Variants in NKAIN3 observed in about 807,000 individuals in gnomAD.
The protein encoded by NKAIN3 is sodium/potassium transporting ATPase interacting 3.
NKAIN3 carries 25 observed loss-of-function variants against 30.2 expected under a neutral mutation model. That is an observed-to-expected ratio of 0.83 (90% CI 0.60 to 1.16). The LOEUF (loss-of-function observed/expected upper bound fraction) is 1.16. Among genes scored for constraint, NKAIN3 ranks in the 50% most tolerant of loss-of-function variants. The pLI is 0.00. For synonymous variants in NKAIN3, 91 were observed against 89.6 expected, an observed-to-expected ratio of 1.02 and a Z score of -0.09; for missense variants, 225 against 254.1, an observed-to-expected ratio of 0.89 and a Z score of 0.78.
At chr8:62,519,063 A>G (rs977264985) in intron 1 of NKAIN3, among the ~76,000 whole-genome samples, 3 of 152,032 alleles carry the variant, frequency 2.0e-5, no homozygotes, top group African/African-American at 7.2e-5. Flanking sequence ...AGATCTTTGT[A>G]CCAAATTTAT....
chr8:62,823,288 T>C (rs557717372), intron 4 of NKAIN3, among the ~76,000 whole-genome samples: 49 of 152,328 alleles, frequency 3.2e-4, no homozygotes, highest in African/African-American at 1.1e-3. Context: ...ACCATTTTTA[T>C]ATATTCAGTC....
chr8:62,530,036 C>G (rs372651074), intron 1 of NKAIN3, among the ~76,000 whole-genome samples: 70 of 152,170 alleles, frequency 4.6e-4, no homozygotes, highest in East Asian at 3.9e-3. Flanking sequence ...AATGTACACA[C>G]CCAATTCAAA....
intron 4 of NKAIN3, among the ~76,000 whole-genome samples, chr8:62,882,766 A>G (rs1821025415): frequency 6.6e-6 from 1 of 152,218 alleles, no homozygotes; most frequent in Non-Finnish European, 1.5e-5. Context: ...ATATTTTTGC[A>G]TATGGATGTC....
chr8:62,322,585 G>C (rs1222256468), intron 1 of NKAIN3, among the ~76,000 whole-genome samples: 1 of 152,160 alleles, frequency 6.6e-6, no homozygotes, highest in East Asian at 1.9e-4. Flanking sequence ...AAGCATTTCA[G>C]ATAAGGGATA....
At chr8:62,780,937 T>C (rs114204857) in intron 4 of NKAIN3, among the ~76,000 whole-genome samples, 1,554 of 152,012 alleles carry the variant, frequency 0.01, 26 homozygotes, top group African/African-American at 0.034. Context: ...CTCCTTAGCA[T>C]AGCAATAAGA....
intron 3 of NKAIN3, among the ~76,000 whole-genome samples, chr8:62,728,011 G>T (rs561412156): frequency 1.2e-3 from 189 of 152,086 alleles, no homozygotes; most frequent in African/African-American, 4.4e-3. Flanking sequence ...ATATTATATG[G>T]GTCTATATTT....
At chr8:62,290,395 C>T (rs878978522) in intron 1 of NKAIN3, among the ~76,000 whole-genome samples, 2 of 151,988 alleles carry the variant, frequency 1.3e-5, no homozygotes, top group Admixed American at 6.6e-5. Flanking sequence ...TAAATAGCTC[C>T]TATTATTTTG....
chr8:62,519,166 G>A (rs1019568766), intron 1 of NKAIN3, among the ~76,000 whole-genome samples: 2 of 152,098 alleles, frequency 1.3e-5, no homozygotes, highest in Non-Finnish European at 2.9e-5. Flanking sequence ...TCCTGACAGT[G>A]TTAGCATATT....
intron 1 of NKAIN3, among the ~76,000 whole-genome samples, chr8:62,389,676 G>A (rs1002696560): frequency 1.3e-5 from 2 of 152,198 alleles, no homozygotes; most frequent in Non-Finnish European, 2.9e-5. Flanking sequence ...GTACATACAG[G>A]TGGGTATGAA....
chr8:62,367,687 G>T (rs1187564413), intron 1 of NKAIN3, among the ~76,000 whole-genome samples: 1 of 152,072 alleles, frequency 6.6e-6, no homozygotes, highest in African/African-American at 2.4e-5. Flanking sequence ...ACAAAGCAAG[G>T]ATACCCACTC....
intron 4 of NKAIN3, among the ~76,000 whole-genome samples, chr8:62,812,282 T>TTC (rs1818512237): frequency 6.6e-6 from 1 of 151,918 alleles, no homozygotes; most frequent in Non-Finnish European, 1.5e-5. Flanking sequence ...CTTTCCACTT[T>TTC]ATTTTTTTGG....
At chr8:62,810,066 C>T (rs73256957) in intron 4 of NKAIN3, among the ~76,000 whole-genome samples, 1,610 of 152,136 alleles carry the variant, frequency 0.011, 22 homozygotes, top group South Asian at 0.031. Context: ...CCCAACATGC[C>T]CCTGAGGACT....
chr8:62,655,535 C>T (rs903121037), intron 3 of NKAIN3, among the ~76,000 whole-genome samples: 17 of 151,880 alleles, frequency 1.1e-4, no homozygotes, highest in African/African-American at 4.1e-4. Context: ...GACAATATAT[C>T]CATATAAAAA....
chr8:62,959,433 G>GGGGTGTGTGT (rs1554596787), intron 6 of NKAIN3, among the ~76,000 whole-genome samples: 1 of 143,154 alleles, frequency 7.0e-6, no homozygotes, highest in African/African-American at 2.6e-5. Context: ...GACAAATCAG[G>GGGGTGTGTGT]GTGTGTGTGT....
chr8:62,850,527 G>C (rs930802187), intron 4 of NKAIN3, among the ~76,000 whole-genome samples: 20 of 152,088 alleles, frequency 1.3e-4, no homozygotes, highest in Non-Finnish European at 2.6e-4. Context: ...TGAAGTCCTT[G>C]CCCATGCCTA....
intron 1 of NKAIN3, among the ~76,000 whole-genome samples, chr8:62,368,362 G>A (rs948174203): frequency 2.2e-4 from 34 of 152,248 alleles, no homozygotes; most frequent in African/African-American, 8.2e-4. Context: ...ATATACAACA[G>A]TAGACAGAAT....
At chr8:62,400,143 T>TGTGGTA (rs1817888552) in intron 1 of NKAIN3, among the ~76,000 whole-genome samples, 1 of 151,338 alleles carries the variant, frequency 6.6e-6, no homozygotes, top group Non-Finnish European at 1.5e-5. Flanking sequence ...AGAGTTCCTG[T>TGTGGTA]GTGGTAGATG....
intron 3 of NKAIN3, among the ~76,000 whole-genome samples, chr8:62,725,305 T>A (rs1815219233): frequency 6.6e-6 from 1 of 152,160 alleles, no homozygotes; most frequent in Non-Finnish European, 1.5e-5. Context: ...TTGCAAATAT[T>A]TTCACCCTTT....
chr8:62,930,824 C>T (rs1278199812), intron 5 of NKAIN3, among the ~76,000 whole-genome samples: 8 of 151,996 alleles, frequency 5.3e-5, no homozygotes, highest in African/African-American at 1.9e-4. Context: ...CTGCCTCAGC[C>T]TCCCGAGTAG....
Sources: allele counts gnomAD v4.1 joint callset (sites outside exome capture counted in the v4.1 genomes callset), GRCh38; gene constraint gnomAD v4.1.1; transcripts MANE v1.5; gene names NCBI Gene and HGNC (gene_info 2026-07-23, HGNC 2026-07-21).